HARBI1: variants seen among roughly 807,000 people sequenced by gnomAD.
The protein encoded by HARBI1 is harbinger transposase derived 1, also known as putative nuclease HARBI1.
A neutral mutation model predicts 25.3 loss-of-function variants in HARBI1; 15 were observed. The ratio of observed to expected loss-of-function variants is 0.59; its 90% confidence interval spans 0.40 to 0.91. HARBI1 has a LOEUF of 0.91. Among genes scored for constraint, HARBI1 ranks in the 40% least tolerant of loss-of-function variants. HARBI1 has a pLI of 0.00. For synonymous variants in HARBI1, 168 were observed against 160.5 expected (o/e 1.05, Z -0.35); for missense variants, 396 against 445.8 (o/e 0.89, Z 1.01).
chr11:46,611,803 G>C (rs1260371502), intron 2 of HARBI1, among the ~76,000 whole-genome samples: 1 of 151,846 alleles, frequency 6.6e-6, no homozygotes, highest in African/African-American at 2.4e-5. Context: ...AGAAGAAATG[G>C]CCAGATGAAA....
chr11:46,612,268 C>T (rs1258549930), intron 2 of HARBI1, among the ~76,000 whole-genome samples: 18 of 152,066 alleles, frequency 1.2e-4, no homozygotes, highest in Admixed American at 1.2e-3. Context: ...GCCTGGGCAA[C>T]ATAACAAGAC....
In HARBI1 at chr11:46,611,068, C is replaced by T. The variant is rs183098710; in HGVS notation, c.670+4500G>A. ...TGTCTCCCAGGCTGGAGTGCAGTGG[C>T]GTGATCTCGGCTCACTGCAAACTCC... is the stretch of plus-strand genomic sequence containing the variant. On this transcript the variant is annotated intron_variant, in intron 2 of 2. Coordinates refer to ENST00000326737, the MANE Select transcript of HARBI1 (RefSeq NM_173811.4). Among the ~76,000 whole-genome samples, 735 of 134,564 alleles carry T rather than the reference C, an allele frequency of 5.5e-3. 5 individuals carry two copies. The highest frequency in any genetic ancestry group is 0.02 in the African/African-American group (693 of 35,154). 88.3% of individuals were successfully genotyped at this position (134,564 alleles called of 152,430 possible). A position where few individuals can be genotyped will look rare whatever the true frequency, so the allele number is the denominator to read the frequency against.
chr11:46,612,996 T>TTG (rs2045243101), intron 2 of HARBI1, among the ~76,000 whole-genome samples: 1 of 134,432 alleles, frequency 7.4e-6, no homozygotes, highest in Non-Finnish European at 1.6e-5. Flanking sequence ...TTTTTTTTTT[T>TTG]TGAGATGGAG....
At chr11:46,607,591 G>A (rs1456580831) in intron 2 of HARBI1, among the ~76,000 whole-genome samples, 1 of 152,170 alleles carries the variant, frequency 6.6e-6, no homozygotes, top group African/African-American at 2.4e-5. Context: ...AAAAGCTAAA[G>A]GAGACCTTTT....
rs1214677059 is a variant in HARBI1 at position 46,614,646 on chromosome 11, G to T, written c.670+922C>A. Among the ~76,000 whole-genome samples, 5 of 152,128 alleles carry T rather than the reference G, an allele frequency of 3.3e-5. No homozygotes were observed. In the East Asian group the frequency reaches 9.6e-4, roughly 29 times the overall value. On this transcript the variant is annotated intron_variant, in intron 2 of 2. Coordinates refer to ENST00000326737, the MANE Select transcript of HARBI1 (RefSeq NM_173811.4). ...TTTGGAGACAGGGTCTTGCTATCTT[G>T]CTCAGGCTGGTCTCAAGGTCCAGGC...
chr11:46,613,844 T>A (rs757275163), intron 2 of HARBI1, among the ~76,000 whole-genome samples: 90 of 151,964 alleles, frequency 5.9e-4, no homozygotes, highest in Non-Finnish European at 1.1e-3. Context: ...ATATTATTAT[T>A]ACTTTTCTGA....
chr11:46,616,630 A>C (rs2045500628), intron 1 of HARBI1: 1 of 1,010,192 alleles, frequency 9.9e-7, no homozygotes, highest in Non-Finnish European at 1.2e-6. Flanking sequence ...CAAAAGAATA[A>C]TGGAGGTGAT....
At chr11:46,610,239 G>A (rs953166286) in intron 2 of HARBI1, among the ~76,000 whole-genome samples, 6 of 152,030 alleles carry the variant, frequency 3.9e-5, no homozygotes, top group Non-Finnish European at 7.4e-5. Context: ...AGGATCAATT[G>A]AGCCCAGGAG....
At chr11:46,611,004 CTTTTTTTTTTT>C (rs1308203480) in intron 2 of HARBI1, among the ~76,000 whole-genome samples, 1 of 106,958 alleles carries the variant, frequency 9.3e-6, no homozygotes, top group Non-Finnish European at 1.8e-5. Context: ...TTATTTAACT[CTTTTTTTTTTT>C]TTTTTTTTTT....
intron 2 of HARBI1, among the ~76,000 whole-genome samples, chr11:46,608,555 C>G (rs2045046826): frequency 6.6e-6 from 1 of 152,086 alleles, no homozygotes; most frequent in Non-Finnish European, 1.5e-5. Flanking sequence ...AGTGATCCTC[C>G]CAGGTCAGCC....
At chr11:46,610,006 C>T (rs532423631) in intron 2 of HARBI1, among the ~76,000 whole-genome samples, 1 of 151,780 alleles carries the variant, frequency 6.6e-6, no homozygotes, top group Non-Finnish European at 1.5e-5. Context: ...GTGCCCACCA[C>T]CATGCCTGGG....
rs1319594277 is a variant in HARBI1, at chr11:46,607,549, G to T, written c.671-3640C>A. Among the ~76,000 whole-genome samples, 40 of 152,166 alleles carry T rather than the reference G, an allele frequency of 2.6e-4. 1 individual carries two copies. The highest frequency in any genetic ancestry group is 2.6e-3 in the Admixed American group (39 of 15,262). On this transcript the variant is annotated intron_variant, in intron 2 of 2. Coordinates refer to ENST00000326737, the MANE Select transcript of HARBI1 (RefSeq NM_173811.4). ...CCTTGTTAAAGTTTCTCTAAGAAAT[G>T]GTATGAGTCTTAAATGGAGGAGATA... is the stretch of plus-strand genomic sequence containing the variant.
At chr11:46,607,149 C>T (rs2044986149) in intron 2 of HARBI1, among the ~76,000 whole-genome samples, 2 of 151,208 alleles carry the variant, frequency 1.3e-5, no homozygotes, top group African/African-American at 4.9e-5. Context: ...CCTGTAGCCC[C>T]AGCTACAGGA....
chr11:46,609,564 TG>T (rs1004867440), intron 2 of HARBI1, among the ~76,000 whole-genome samples: 6 of 68,118 alleles, frequency 8.8e-5, no homozygotes, highest in Non-Finnish European at 1.3e-4. Context: ...CCAGCTGGTC[TG>T]GAAGTCCTGA....
In HARBI1 at chr11:46,617,162, C is replaced by G. The variant is rs1281798000; in HGVS notation, c.-183G>C. On this transcript the variant is annotated 5_prime_UTR_variant, in exon 1 of 3. Transcript: ENST00000326737. ...CCAGGTTACCAGCCACACTTCCCAC[C>G]CACCCAGCCGGGTTGGGCCCTCCTC... 3.8e-6 allele frequency: 1 copy of G among 262,624 alleles called. No homozygotes were observed. Among genetic ancestry groups the G allele is most frequent in the Admixed American group, 6.5e-5 (1 of 15,404 alleles). 16.3% of individuals were successfully genotyped at this position (262,624 alleles called of 1,614,324 possible).
Position 46,603,666 on chromosome 11 carries a change from T to C in HARBI1, c.914A>G (p.His305Arg), listed in dbSNP as rs2044834226. ...TGGAGAGGACCAAACATCCATCCCA[T>C]GCTCCAGGGAGATGTTGTGGAGGAC... The part of the protein sequence containing the change: ...CCVLHNISLE[H>R]GMDVWSSPMT... The change falls in exon 3 of 3, where the codon CAT becomes CGT. Residue 305 changes from histidine to arginine, a missense_variant. Physicochemically the swap from His to Arg is conservative, Grantham distance 29. Coordinates refer to ENST00000326737, the MANE Select transcript of HARBI1 (RefSeq NM_173811.4). 6.2e-7 allele frequency: 1 copy of C among 1,614,184 alleles called. No individual in the cohort carries two copies. The highest frequency in any genetic ancestry group is 1.1e-5 in the South Asian group (1 of 91,086).
rs779837091 is a variant in HARBI1, at chr11:46,616,075, C to T, written c.163G>A (p.Ala55Thr). The change falls in exon 2 of 3, where the codon GCG becomes ACG. Residue 55 changes from alanine to threonine, a missense_variant. Coordinates refer to ENST00000326737, the MANE Select transcript of HARBI1 (RefSeq NM_173811.4). ...CGCTGAGTAGGCCTAGAAAGATTCGCCCCCAAGAGCTCCACCAAGTAATAA... is the reference window on the plus strand; with the variant it reads ...CGCTGAGTAGGCCTAGAAAGATTCGTCCCCAAGAGCTCCACCAAGTAATAA... Reference protein sequence around the residue: ...FIYYLVELLGANLSRPTQRSR... With the variant: ...FIYYLVELLGTNLSRPTQRSR... 2 of 1,614,182 alleles carry T rather than the reference C, an allele frequency of 1.2e-6. No homozygotes were observed. Among genetic ancestry groups the T allele is most frequent in the Non-Finnish European group, 8.5e-7 (1 of 1,180,034 alleles).
intron 1 of HARBI1, chr11:46,616,780 T>C: frequency 1.1e-6 from 1 of 948,140 alleles, no homozygotes; most frequent in South Asian, 5.0e-5. Context: ...ACCTGACAAA[T>C]ACAGGACAGA....
rs1192505712 is a variant in HARBI1 at position 46,603,145 on chromosome 11, G to A, written c.*385C>T. 1.3e-5 allele frequency: 2 copies of A among 156,138 alleles called. No homozygotes were observed. The highest frequency in any genetic ancestry group is 6.4e-5 in the Admixed American group (1 of 15,590). 9.7% of individuals were successfully genotyped at this position (156,138 alleles called of 1,614,324 possible). A position where few individuals can be genotyped will look rare whatever the true frequency, so the allele number is the denominator to read the frequency against. Reference sequence around the variant, plus strand: ...CAGGCGTGAGCCACCGCACCCGGCCGCTAATTTTTGTATTTTTAGTAGAGA... The same window carrying A: ...CAGGCGTGAGCCACCGCACCCGGCCACTAATTTTTGTATTTTTAGTAGAGA... On this transcript the variant is annotated 3_prime_UTR_variant, in exon 3 of 3. Transcript: ENST00000326737.
Sources: gnomAD v4.1 joint callset for allele counts (sites outside exome capture counted in the v4.1 genomes callset) on GRCh38, gnomAD v4.1.1 for gene constraint, MANE v1.5 for transcripts, NCBI Gene and HGNC (gene_info 2026-07-23, HGNC 2026-07-21) for gene names.